Variants in CIT observed in about 807,000 individuals in gnomAD.
CIT encodes citron rho-interacting serine/threonine kinase.
CIT carries 79 observed loss-of-function variants against 272.7 expected under a neutral mutation model. The observed-to-expected ratio is 0.29, with a 90% CI of 0.24 to 0.35. The LOEUF (loss-of-function observed/expected upper bound fraction) is 0.35, where lower values mean the gene tolerates loss of function less well. Ranked by LOEUF, CIT falls within the 10% of genes least tolerant of loss-of-function variation. CIT has a pLI of 1.00. For synonymous variants in CIT, 948 were observed against 995.6 expected, an observed-to-expected ratio of 0.95 and a Z score of 0.90; for missense variants, 1,909 against 2,618.3, an observed-to-expected ratio of 0.73 and a Z score of 5.91.
At chr12:119,828,326 A>G (rs280582) in intron 7 of CIT, among the ~76,000 whole-genome samples, 112,221 of 152,084 alleles carry the variant, frequency 0.74, 42,016 homozygotes, top group East Asian at 0.97. Flanking sequence ...ATTAACAAAC[A>G]TTTTTAATGA....
At chr12:119,819,826 A>G (rs1967530520) in intron 9 of CIT, among the ~76,000 whole-genome samples, 1 of 152,272 alleles carries the variant, frequency 6.6e-6, no homozygotes, top group South Asian at 2.1e-4. Flanking sequence ...AAAATAGCTT[A>G]AAGAGCATGG....
At chr12:119,816,221 C>T (rs1967170980) in intron 9 of CIT, among the ~76,000 whole-genome samples, 1 of 152,140 alleles carries the variant, frequency 6.6e-6, no homozygotes, top group African/African-American at 2.4e-5. Flanking sequence ...CAATATGGGA[C>T]AACAGTAAAG....
chr12:119,851,044 G>T (rs1423392693), intron 4 of CIT, among the ~76,000 whole-genome samples: 2 of 152,196 alleles, frequency 1.3e-5, no homozygotes, highest in African/African-American at 4.8e-5. Flanking sequence ...ACCCTGTGAA[G>T]TTGGATTGGA....
At chr12:119,702,642 G>C (rs971975370) in intron 41 of CIT, among the ~76,000 whole-genome samples, 1 of 151,850 alleles carries the variant, frequency 6.6e-6, no homozygotes, top group Non-Finnish European at 1.5e-5. Flanking sequence ...GGCTGAGATA[G>C]TGCCATTGCA....
chr12:119,690,599 G>T lies in CIT; in HGVS notation c.5883-145C>A. 1 of 798,758 alleles carries T rather than the reference G, an allele frequency of 1.3e-6. No individual in the cohort carries two copies. Among genetic ancestry groups the T allele is most frequent in the South Asian group, 2.2e-5 (1 of 45,948 alleles). The allele number at this position is 798,758 out of a possible 1,614,324, so 49.5% of individuals were successfully genotyped here. On this transcript the variant is annotated intron_variant, in intron 46 of 47. Transcript: ENST00000392521. The surrounding 1 kb of genome is among the most constrained non-coding windows in gnomAD (Gnocchi z 6.0). ...ACCTGGAGTTCTTTGGACTTTGCCT[G>T]CATTTGATTTTGGTAGCAAAGACAG...
intron 46 of CIT, among the ~76,000 whole-genome samples, chr12:119,691,562 G>A (rs1955952140): frequency 6.6e-6 from 1 of 152,160 alleles, no homozygotes; most frequent in Non-Finnish European, 1.5e-5. Context: ...ACTGAGCAGG[G>A]CAGACAAAGT....
At chr12:119,819,887 CAGGGATCAG>C (rs1242596257) in intron 9 of CIT, among the ~76,000 whole-genome samples, 1 of 152,164 alleles carries the variant, frequency 6.6e-6, no homozygotes, top group Non-Finnish European at 1.5e-5. Flanking sequence ...GCAAATAATG[CAGGGATCAG>C]AGGTTGGTGA....
intron 2 of CIT, among the ~76,000 whole-genome samples, chr12:119,870,402 T>TA (rs1950633987): frequency 6.6e-6 from 1 of 151,600 alleles, no homozygotes; most frequent in Non-Finnish European, 1.5e-5. Context: ...ATACAAAAAT[T>TA]AGCCAGGCGT....
intron 9 of CIT, among the ~76,000 whole-genome samples, chr12:119,805,722 T>C (rs1966554425): frequency 1.3e-5 from 2 of 152,232 alleles, no homozygotes; most frequent in South Asian, 4.1e-4. Flanking sequence ...GTGAAATAAT[T>C]ATGATTTTGA....
chr12:119,861,199 C>T (rs1593986334), intron 3 of CIT, among the ~76,000 whole-genome samples: 2 of 152,198 alleles, frequency 1.3e-5, no homozygotes, highest in East Asian at 1.9e-4. Flanking sequence ...ATCACTCCAC[C>T]CCTGTGCACT....
At chr12:119,812,211 G>C (rs756520355) in intron 9 of CIT, among the ~76,000 whole-genome samples, 12 of 151,990 alleles carry the variant, frequency 7.9e-5, no homozygotes, top group Non-Finnish European at 1.8e-4. Context: ...GCCTCCCAAA[G>C]TGCTGGGATT....
In CIT at chr12:119,686,456, G is replaced by A. The variant is rs1259939491; in HGVS notation, c.*1776C>T. The A allele has an allele frequency of 6.6e-6, 1 of 152,248 alleles. No individual in the cohort carries two copies. The allele number at this position is 152,248 out of a possible 1,614,324, so 9.4% of individuals were successfully genotyped here. The stretch of plus-strand genomic sequence containing the variant: ...CCACAGCAGGACATTTGCCAAAGGA[G>A]CTACCACATGGAGGTTTGTAGGCGT... On this transcript the variant is annotated 3_prime_UTR_variant, in exon 48 of 48. Transcript: ENST00000392521.
intron 3 of CIT, among the ~76,000 whole-genome samples, chr12:119,863,514 GTTTTT>G (rs200218533): frequency 6.6e-6 from 1 of 151,082 alleles, no homozygotes; most frequent in East Asian, 1.9e-4. Context: ...TAAAATAAAA[GTTTTT>G]TTTTGTTTTT....
chr12:119,689,664 C>CTATTTTT (rs1565887334), intron 47 of CIT, among the ~76,000 whole-genome samples: 1 of 102,062 alleles, frequency 9.8e-6, no homozygotes, highest in South Asian at 3.3e-4. Flanking sequence ...GCTTAGGAAG[C>CTATTTTT]TCTTTTTTTT....
intron 15 of CIT, 48 bp downstream of exon 15, chr12:119,776,309 AG>A: frequency 1.4e-6 from 2 of 1,455,008 alleles, no homozygotes; most frequent in Non-Finnish European, 1.9e-6. Flanking sequence ...ACATGAAAAA[AG>A]TTATCTACCC....
At position 119,713,721 on chromosome 12, in the gene CIT, A is replaced by G; in HGVS notation, c.4307-73T>C. 1.3e-6 allele frequency: 2 copies of G among 1,519,930 alleles called. No individual in the cohort carries two copies. Among genetic ancestry groups the G allele is most frequent in the East Asian group, 2.3e-5 (1 of 44,394 alleles). The allele number at this position is 1,519,930 out of a possible 1,614,324, so 94.2% of individuals were successfully genotyped here. A position where few individuals can be genotyped will look rare whatever the true frequency, so the allele number is the denominator to read the frequency against. ...GACCCTTCCCTTCCTCTGCCAGCCA[A>G]CGCCTGGGCTTCTCTACCCCAGCCG... is the stretch of plus-strand genomic sequence containing the variant. On this transcript the variant is annotated intron_variant, in intron 33 of 47. Transcript: ENST00000392521. This position sits in a 1 kb window ranked among gnomAD's most constrained non-coding sequence, Gnocchi z 5.2.
intron 2 of CIT, among the ~76,000 whole-genome samples, chr12:119,874,144 G>A (rs1454430533): frequency 1.3e-5 from 2 of 151,888 alleles, no homozygotes; most frequent in East Asian, 1.9e-4. Flanking sequence ...CTCGGCTCAC[G>A]ACAACCTCCG....
chr12:119,773,174 C>T (rs1474972589), intron 16 of CIT, among the ~76,000 whole-genome samples: 1 of 152,066 alleles, frequency 6.6e-6, no homozygotes, highest in Admixed American at 6.6e-5. Context: ...ATCCACCCCA[C>T]AATTAAAATT....
intron 9 of CIT, among the ~76,000 whole-genome samples, chr12:119,809,259 C>T (rs1566075234): frequency 6.6e-6 from 1 of 152,064 alleles, no homozygotes; most frequent in Non-Finnish European, 1.5e-5. Flanking sequence ...GAGACGGATA[C>T]AATCATCTCA....
Sources: gnomAD v4.1 joint callset for allele counts (sites outside exome capture counted in the v4.1 genomes callset) on GRCh38, gnomAD v4.1.1 for gene constraint, Gnocchi (gnomAD v3.1) non-coding constraint, MANE v1.5 for transcripts, NCBI Gene and HGNC (gene_info 2026-07-23, HGNC 2026-07-21) for gene names.